The following APBB2 variants were observed in gnomAD, a reference collection of about 807,000 sequenced individuals.
The protein encoded by APBB2 is Fe65-like 1.
APBB2 carries 38 observed loss-of-function variants against 82.5 expected under a neutral mutation model. The observed-to-expected ratio is 0.46, with a 90% CI of 0.36 to 0.60. The LOEUF (loss-of-function observed/expected upper bound fraction) is 0.60. APBB2 is among the 20% of genes least tolerant of loss of function. The pLI is 0.00. For synonymous variants in APBB2, 341 were observed against 368.2 expected, an observed-to-expected ratio of 0.93 and a Z score of 0.85; for missense variants, 772 against 972.3, an observed-to-expected ratio of 0.79 and a Z score of 2.74.
At chr4:40,897,514 G>C (rs947704232) in intron 10 of APBB2, among the ~76,000 whole-genome samples, 1 of 148,594 alleles carries the variant, frequency 6.7e-6, no homozygotes, top group Non-Finnish European at 1.5e-5. Flanking sequence ...GCAAAACTCC[G>C]TCTCAAAAAA....
intron 2 of APBB2, among the ~76,000 whole-genome samples, chr4:41,109,282 A>G (rs899821771): frequency 7.5e-5 from 11 of 146,814 alleles, no homozygotes; most frequent in African/African-American, 2.7e-4. Flanking sequence ...AAAAAAAGAA[A>G]AAAATCACTA....
At chr4:41,080,979 T>C (rs148031141) in intron 3 of APBB2, among the ~76,000 whole-genome samples, 2,127 of 152,330 alleles carry the variant, frequency 0.014, 54 homozygotes, top group African/African-American at 0.049. Context: ...CTGGAACTCC[T>C]GACCTCAGGT....
chr4:41,195,807 G>A lies in APBB2; in HGVS notation c.-417+18598C>T. Among the ~76,000 whole-genome samples, 11 of 151,928 alleles carry A rather than the reference G, an allele frequency of 7.2e-5. No homozygotes were observed. In the South Asian group the frequency reaches 2.1e-3, roughly 29 times the overall value. ...CTCCACTCCTGGAATACCCCTTCCC[G>A]CCATATGCACAACCCAGGGGATCCT... is the stretch of plus-strand genomic sequence containing the variant. On this transcript the variant is annotated intron_variant, in intron 1 of 17. Transcript: ENST00000508593.
chr4:41,112,682 A>G (rs1347433410), intron 2 of APBB2, among the ~76,000 whole-genome samples: 2 of 152,234 alleles, frequency 1.3e-5, no homozygotes, highest in Non-Finnish European at 2.9e-5. Flanking sequence ...GTGGGTCTAC[A>G]CAGCATTATT....
intron 3 of APBB2, among the ~76,000 whole-genome samples, chr4:41,091,432 AAAGT>A (rs1741655823): frequency 1.3e-5 from 2 of 151,574 alleles, no homozygotes; most frequent in Non-Finnish European, 2.9e-5. Context: ...AAAGAATAAA[AAAGT>A]AAGTAATTTT....
chr4:40,856,887 G>A, intron 12 of APBB2: 1 of 942,544 alleles, frequency 1.1e-6, no homozygotes, highest in Non-Finnish European at 1.3e-6. Flanking sequence ...CTGACTCGGG[G>A]AAGGGAGGGC....
At chr4:41,091,667 G>A (rs552492320) in intron 3 of APBB2, among the ~76,000 whole-genome samples, 2 of 152,186 alleles carry the variant, frequency 1.3e-5, no homozygotes, top group East Asian at 1.9e-4. Context: ...AAATATCTGC[G>A]GAGTAAATGA....
chr4:40,882,789 G>A (rs571187778), intron 12 of APBB2, among the ~76,000 whole-genome samples: 1 of 152,326 alleles, frequency 6.6e-6, no homozygotes, highest in South Asian at 2.1e-4. Flanking sequence ...GCAACAGGCC[G>A]TGGGGGTGAG....
intron 3 of APBB2, among the ~76,000 whole-genome samples, chr4:41,096,538 T>C (rs1409037306): frequency 6.6e-6 from 1 of 152,232 alleles, no homozygotes; most frequent in East Asian, 1.9e-4. Flanking sequence ...CTTCCAAATA[T>C]AAAACGTGTG....
At chr4:41,208,362 A>G (rs1246556635) in intron 1 of APBB2, among the ~76,000 whole-genome samples, 3 of 152,116 alleles carry the variant, frequency 2.0e-5, no homozygotes, top group African/African-American at 7.2e-5. Flanking sequence ...CCTGGGTTCA[A>G]GCGATTCTCC....
chr4:40,929,107 C>T (rs1341470720), intron 10 of APBB2, among the ~76,000 whole-genome samples: 1 of 151,590 alleles, frequency 6.6e-6, no homozygotes, highest in Non-Finnish European at 1.5e-5. Context: ...CTGTAGGATA[C>T]AACATGACGG....
chr4:40,915,876 GAGAGCATTAGCC>G (rs1237402484), intron 10 of APBB2, among the ~76,000 whole-genome samples: 34 of 152,092 alleles, frequency 2.2e-4, no homozygotes, highest in African/African-American at 8.2e-4. Flanking sequence ...TCCAAGTCCT[GAGAGCATTAGCC>G]AGAGTTGTGA....
intron 2 of APBB2, among the ~76,000 whole-genome samples, chr4:41,104,075 A>G (rs1746335403): frequency 6.6e-6 from 1 of 152,240 alleles, no homozygotes; most frequent in East Asian, 1.9e-4. Flanking sequence ...TTTCATTCTG[A>G]ATAAAGAAAT....
At chr4:40,998,252 CATA>C (rs1361343361) in intron 6 of APBB2, among the ~76,000 whole-genome samples, 4 of 152,146 alleles carry the variant, frequency 2.6e-5, no homozygotes, top group Admixed American at 2.6e-4. Flanking sequence ...TTTCATATTG[CATA>C]ATGAAATGTT....
chr4:40,858,113 G>A (rs572016529), intron 12 of APBB2, among the ~76,000 whole-genome samples: 9 of 152,060 alleles, frequency 5.9e-5, no homozygotes, highest in Non-Finnish European at 8.8e-5. Flanking sequence ...CTAGCTGAGC[G>A]CCCCTCCCCC....
intron 1 of APBB2, among the ~76,000 whole-genome samples, chr4:41,189,992 A>T (rs1773960104): frequency 6.6e-6 from 1 of 152,192 alleles, no homozygotes; most frequent in Non-Finnish European, 1.5e-5. Flanking sequence ...CTTCAAATAG[A>T]AGTCCCTTAA....
chr4:40,970,270 T>A (rs1387293188), intron 6 of APBB2, among the ~76,000 whole-genome samples: 1 of 152,208 alleles, frequency 6.6e-6, no homozygotes, highest in African/African-American at 2.4e-5. Context: ...TACTCCTTAA[T>A]AAGGATCATG....
intron 12 of APBB2, among the ~76,000 whole-genome samples, chr4:40,845,096 A>T (rs1197883206): frequency 6.6e-6 from 1 of 152,238 alleles, no homozygotes; most frequent in African/African-American, 2.4e-5. Context: ...TGCTACTGCA[A>T]ACTTTTAACA....
Position 40,907,457 on chromosome 4 carries a change from G to A in APBB2, c.1255-14046C>T, listed in dbSNP as rs1777313873. On this transcript the variant is annotated intron_variant, in intron 10 of 17. Transcript: ENST00000508593. ...AGTGCAGTGGCTCACTACAACCTCC[G>A]CCTCCTGAGTTCAAGCAATGATCCT... 5.1e-5 allele frequency among the ~76,000 whole-genome samples: 7 copies of A among 137,330 alleles called. No individual in the cohort carries two copies. The South Asian group carries it at 7.0e-4, about 14-fold the overall frequency. The allele number at this position is 137,330 out of a possible 152,430, so 90.1% of individuals were successfully genotyped here.
Sources: allele counts gnomAD v4.1 joint callset (sites outside exome capture counted in the v4.1 genomes callset), GRCh38; gene constraint gnomAD v4.1.1; transcripts MANE v1.5; gene names NCBI Gene and HGNC (gene_info 2026-07-23, HGNC 2026-07-21).